FBXO11: variants seen among roughly 807,000 people sequenced by gnomAD.
FBXO11 encodes the protein F-box protein 11, also known as F-box only protein 11.
FBXO11 carries 13 observed loss-of-function variants against 117.0 expected under a neutral mutation model. The ratio of observed to expected loss-of-function variants is 0.11; its 90% CI spans 0.07 to 0.18. The LOEUF (loss-of-function observed/expected upper bound fraction) is 0.18, where lower values mean the gene tolerates loss of function less well. Ranked by LOEUF, FBXO11 falls within the 10% of genes least tolerant of loss-of-function variation. FBXO11 has a pLI of 1.00. For missense variants in FBXO11, 767 were observed against 1,164.4 expected (o/e 0.66, Z 4.97); for synonymous variants, 490 against 380.5 (o/e 1.29, Z -3.35).
At chr2:47,811,007 T>TGAGAC (rs1190691312) in intron 18 of FBXO11, 6 of 152,216 alleles carry the variant, frequency 3.9e-5, no homozygotes, top group African/African-American at 1.4e-4. Context: ...TGTCTTAATG[T>TGAGAC]GAGACATGGT....
intron 4 of FBXO11, among the ~76,000 whole-genome samples, chr2:47,837,256 G>A (rs186555451): frequency 6.4e-4 from 97 of 152,248 alleles, no homozygotes; most frequent in Non-Finnish European, 1.1e-3. Context: ...GCCGGGCACA[G>A]TGGCCCATGC....
chr2:47,831,803 T>C (rs952821498), intron 11 of FBXO11, among the ~76,000 whole-genome samples: 1 of 152,242 alleles, frequency 6.6e-6, no homozygotes, highest in African/African-American at 2.4e-5. Flanking sequence ...TAATATTAAC[T>C]GCTGCATAAT....
chr2:47,809,525 A>C, intron 20 of FBXO11, 75 bp downstream of exon 20: 1 of 1,069,754 alleles, frequency 9.3e-7, no homozygotes, highest in East Asian at 2.4e-5. Flanking sequence ...ATAAGGAATC[A>C]AGTTATAAAA....
At chr2:47,872,514 G>A (rs554533215) in intron 1 of FBXO11, among the ~76,000 whole-genome samples, 22 of 152,132 alleles carry the variant, frequency 1.4e-4, no homozygotes, top group Admixed American at 3.9e-4. Flanking sequence ...AGGAGAGACG[G>A]GGTTTCACCA....
chr2:47,808,567 T>C, intron 21 of FBXO11, 140 bp from the exon 22 acceptor site: 1 of 612,964 alleles, frequency 1.6e-6, no homozygotes, highest in Non-Finnish European at 2.7e-6. Flanking sequence ...AGATTAATTC[T>C]GAAAAGGAAC....
intron 1 of FBXO11, among the ~76,000 whole-genome samples, chr2:47,902,356 C>CTATT (rs963526139): frequency 2.0e-5 from 3 of 152,168 alleles, no homozygotes; most frequent in Non-Finnish European, 4.4e-5. Context: ...AACGAGTGAA[C>CTATT]ACAATAGTCC....
At chr2:47,868,184 G>A (rs976360082) in intron 1 of FBXO11, among the ~76,000 whole-genome samples, 2 of 151,368 alleles carry the variant, frequency 1.3e-5, no homozygotes, top group African/African-American at 4.9e-5. Context: ...TCAGGAGGCT[G>A]AGGCAGGAGA....
Position 47,905,791 on chromosome 2 carries a change from G to A in FBXO11, c.-71C>T. The A allele has an allele frequency of 3.3e-6, 4 of 1,197,844 alleles. No individual in the cohort carries two copies. Among genetic ancestry groups the A allele is most frequent in the Non-Finnish European group, 2.2e-6 (2 of 920,734 alleles). The allele number at this position is 1,197,844 out of a possible 1,614,324, so 74.2% of individuals were successfully genotyped here. ...ACACGCACAGCGAGCTTCGGGGCAG[G>A]AGAAAGGGGTGGGGAGAGTGGGAGA... On this transcript the variant is annotated 5_prime_UTR_variant, in exon 1 of 23. Coordinates refer to ENST00000403359, the MANE Select transcript of FBXO11 (RefSeq NM_001190274.2).
At chr2:47,823,510 C>A in intron 11 of FBXO11, 150 bp from the exon 12 acceptor site, 1 of 651,626 alleles carries the variant, frequency 1.5e-6, no homozygotes, top group Non-Finnish European at 2.6e-6. Flanking sequence ...AATCCCAGCA[C>A]TTTGGGAGCC....
At position 47,905,829 on chromosome 2, in the gene FBXO11, G is replaced by C. The variant is rs1210974592; in HGVS notation, c.-109C>G. ...GGAGAGTGGGAGAGGGGGGAGGAAG[G>C]AGAGGGGGCGAGGGGAAGGGGAGAC... On this transcript the variant is annotated 5_prime_UTR_variant, in exon 1 of 23. Transcript: ENST00000403359. 7 of 360,834 alleles carry C rather than the reference G, an allele frequency of 1.9e-5. No individual in the cohort carries two copies. The highest frequency in any genetic ancestry group is 2.9e-5 in the Non-Finnish European group (6 of 209,256). The allele number at this position is 360,834 out of a possible 1,614,324, so 22.4% of individuals were successfully genotyped here. A position where few individuals can be genotyped will look rare whatever the true frequency, so the allele number is the denominator to read the frequency against.
chr2:47,835,653 A>G (rs1054576573), intron 5 of FBXO11, among the ~76,000 whole-genome samples: 17 of 152,064 alleles, frequency 1.1e-4, no homozygotes, highest in Non-Finnish European at 2.2e-4. Flanking sequence ...GTGCGCCACC[A>G]TGTCCGGCTA....
intron 1 of FBXO11, among the ~76,000 whole-genome samples, chr2:47,864,649 TAATA>T (rs1259375765): frequency 6.6e-6 from 1 of 152,158 alleles, no homozygotes; most frequent in African/African-American, 2.4e-5. Context: ...AGACTAGATT[TAATA>T]AATTATTTAT....
intron 5 of FBXO11, among the ~76,000 whole-genome samples, chr2:47,835,526 T>A (rs1672489155): frequency 6.6e-6 from 1 of 151,662 alleles, no homozygotes; most frequent in Non-Finnish European, 1.5e-5. Flanking sequence ...GAGACAAGAG[T>A]CTCACTCTGT....
At chr2:47,834,527 C>A in intron 7 of FBXO11, 52 bp downstream of exon 7, 2 of 1,368,744 alleles carry the variant, frequency 1.5e-6, no homozygotes, top group South Asian at 1.7e-5. Flanking sequence ...AAAATCCTAT[C>A]ACATAAATGA....
At chr2:47,839,029 A>G (rs751979173) in intron 3 of FBXO11, 26 bp from the exon 4 acceptor site, 3 of 1,584,500 alleles carry the variant, frequency 1.9e-6, no homozygotes, top group African/African-American at 2.7e-5. Context: ...CATATAAACT[A>G]TCATTCGAGC....
At chr2:47,881,980 T>C (rs950595491) in intron 1 of FBXO11, among the ~76,000 whole-genome samples, 2 of 152,186 alleles carry the variant, frequency 1.3e-5, no homozygotes, top group Non-Finnish European at 2.9e-5. Flanking sequence ...ACTCCTGGCC[T>C]CAAGTGATCT....
chr2:47,870,546 C>T (rs970826839), intron 1 of FBXO11, among the ~76,000 whole-genome samples: 1 of 152,186 alleles, frequency 6.6e-6, no homozygotes, highest in Non-Finnish European at 1.5e-5. Context: ...GAGGCAGAGA[C>T]TGAAGTGATG....
Position 47,905,808 on chromosome 2 carries a change from A to C in FBXO11, c.-88T>G. 3.5e-6 allele frequency: 1 copy of C among 284,082 alleles called. No homozygotes were observed. Among genetic ancestry groups the C allele is most frequent in the Non-Finnish European group, 4.9e-6 (1 of 205,842 alleles). The allele number at this position is 284,082 out of a possible 1,614,324, so 17.6% of individuals were successfully genotyped here. A position where few individuals can be genotyped will look rare whatever the true frequency, so the allele number is the denominator to read the frequency against. The stretch of plus-strand genomic sequence containing the variant: ...CGGGGCAGGAGAAAGGGGTGGGGAG[A>C]GTGGGAGAGGGGGGAGGAAGGAGAG... On this transcript the variant is annotated 5_prime_UTR_variant, in exon 1 of 23. Coordinates refer to ENST00000403359, the MANE Select transcript of FBXO11 (RefSeq NM_001190274.2).
At chr2:47,891,039 G>A (rs1417170112) in intron 1 of FBXO11, among the ~76,000 whole-genome samples, 1 of 151,106 alleles carries the variant, frequency 6.6e-6, no homozygotes, top group African/African-American at 2.4e-5. Flanking sequence ...GCTCAGACTA[G>A]TATCAAACTC....
Sources: gnomAD v4.1 joint callset for allele counts (sites outside exome capture counted in the v4.1 genomes callset) on GRCh38, gnomAD v4.1.1 for gene constraint, MANE v1.5 for transcripts, NCBI Gene and HGNC (gene_info 2026-07-23, HGNC 2026-07-21) for gene names.